RPSA2: variants seen among roughly 807,000 people sequenced by gnomAD.
The protein encoded by RPSA2 is ribosomal protein SA 2, also known as small ribosomal subunit protein uS2B.
chr19:23,833,576 C>A, the RPSA2 span, among the ~76,000 whole-genome samples: 3 of 152,064 alleles, frequency 2.0e-5, no homozygotes, highest in African/African-American at 7.2e-5. Context: ...GGCCAAGCTT[C>A]TAACTAATGC....
At chr19:23,761,927 T>TCCTTCCTTCCTACCTTCCTTCC in the RPSA2 span, among the ~76,000 whole-genome samples, 1 of 62,356 alleles carries the variant, frequency 1.6e-5, no homozygotes, top group Non-Finnish European at 2.9e-5. Context: ...TTTCTTTTTT[T>TCCTTCCTTCCTACCTTCCTTCC]TTTTTTTTGA....
chr19:23,784,208 G>A, the RPSA2 span, among the ~76,000 whole-genome samples: 1 of 152,224 alleles, frequency 6.6e-6, no homozygotes, highest in Non-Finnish European at 1.5e-5. Flanking sequence ...ATGTCATAGA[G>A]AATTACCACT....
chr19:23,787,916 T>A, the RPSA2 span, among the ~76,000 whole-genome samples: 99 of 152,348 alleles, frequency 6.5e-4, no homozygotes, highest in African/African-American at 2.1e-3. Context: ...CTATTTTATG[T>A]GACTCTCCTC....
the RPSA2 span, among the ~76,000 whole-genome samples, chr19:23,859,369 C>T: frequency 6.6e-6 from 1 of 152,134 alleles, no homozygotes; most frequent in African/African-American, 2.4e-5. Context: ...TGCCTCACAC[C>T]TGTAATCCCA....
the RPSA2 span, chr19:23,832,669 T>G: frequency 2.0e-6 from 3 of 1,487,550 alleles, no homozygotes; most frequent in Non-Finnish European, 2.7e-6. Context: ...ATTTCTATGG[T>G]TCATTACCCT....
At chr19:23,819,322 T>C in the RPSA2 span, 2 of 152,354 alleles carry the variant, frequency 1.3e-5, no homozygotes, top group African/African-American at 2.4e-5. Context: ...GTAGTCTTCA[T>C]TGGCACCTCG....
chr19:23,821,753 C>T, the RPSA2 span, among the ~76,000 whole-genome samples: 2 of 152,198 alleles, frequency 1.3e-5, no homozygotes, highest in African/African-American at 4.8e-5. Flanking sequence ...CTCCCCTTAG[C>T]CTCAGCCATC....
the RPSA2 span, among the ~76,000 whole-genome samples, chr19:23,762,217 G>A: frequency 1.3e-5 from 2 of 149,304 alleles, no homozygotes; most frequent in African/African-American, 2.5e-5. Context: ...TGCCCGGCCC[G>A]GTAACATAAT....
the RPSA2 span, among the ~76,000 whole-genome samples, chr19:23,862,896 CTTTT>C: frequency 9.1e-5 from 13 of 142,740 alleles, no homozygotes; most frequent in African/African-American, 2.3e-4. Context: ...TTCTTTCTTT[CTTTT>C]TTTTTTTTTT....
the RPSA2 span, chr19:23,843,200 G>A: frequency 4.0e-6 from 1 of 249,448 alleles, no homozygotes; most frequent in Non-Finnish European, 8.3e-6. Context: ...CTCTGTACCT[G>A]ATCTGATCTC....
At chr19:23,762,397 A>G in the RPSA2 span, among the ~76,000 whole-genome samples, 1 of 151,294 alleles carries the variant, frequency 6.6e-6, no homozygotes, top group Non-Finnish European at 1.5e-5. Context: ...CCAAATGGGC[A>G]GGGCGCGGTG....
the RPSA2 span, among the ~76,000 whole-genome samples, chr19:23,858,382 T>C: frequency 6.6e-6 from 1 of 152,120 alleles, no homozygotes; most frequent in African/African-American, 2.4e-5. Flanking sequence ...TAGATTACAC[T>C]TGTACCCAAC....
chr19:23,821,875 C>T, the RPSA2 span, among the ~76,000 whole-genome samples: 1 of 152,188 alleles, frequency 6.6e-6, no homozygotes, highest in Middle Eastern at 3.2e-3. Context: ...AACAGGTTGG[C>T]CTTTTTCCTA....
chr19:23,834,560 A>C, the RPSA2 span, among the ~76,000 whole-genome samples: 1 of 152,060 alleles, frequency 6.6e-6, no homozygotes. Flanking sequence ...CTACATTATT[A>C]TGAAAGAAAA....
chr19:23,787,403 C>T, the RPSA2 span, among the ~76,000 whole-genome samples: 8 of 151,458 alleles, frequency 5.3e-5, no homozygotes, highest in Admixed American at 3.3e-4. Flanking sequence ...GAGTACAAGA[C>T]CAGCCTGCTT....
At chr19:23,799,192 A>G in the RPSA2 span, 7 of 152,030 alleles carry the variant, frequency 4.6e-5, no homozygotes, top group Non-Finnish European at 8.8e-5. Context: ...GATGCTTTTA[A>G]CTTCTTTTTT....
the RPSA2 span, among the ~76,000 whole-genome samples, chr19:23,846,384 T>C: frequency 1.3e-5 from 2 of 152,310 alleles, no homozygotes; most frequent in South Asian, 4.1e-4. Context: ...TTTTTCTTTT[T>C]ATCTATTTAT....
the RPSA2 span, among the ~76,000 whole-genome samples, chr19:23,793,157 G>A: frequency 6.6e-5 from 10 of 151,412 alleles, no homozygotes; most frequent in East Asian, 1.8e-3. Flanking sequence ...TTCTGGCTGT[G>A]TGATAGGTAA....
chr19:23,869,948 A>G, the RPSA2 span, among the ~76,000 whole-genome samples: 2 of 152,214 alleles, frequency 1.3e-5, no homozygotes, highest in Non-Finnish European at 2.9e-5. Context: ...AGCAATACTC[A>G]ATTGACCTTA....
Sources: allele counts gnomAD v4.1 joint callset (sites outside exome capture counted in the v4.1 genomes callset), GRCh38; gene constraint gnomAD v4.1.1; transcripts MANE v1.5; gene names NCBI Gene and HGNC (gene_info 2026-07-23, HGNC 2026-07-21).